PRKCE: variants seen among roughly 807,000 people sequenced by gnomAD.
The protein encoded by PRKCE is protein kinase C epsilon.
In PRKCE, 16 loss-of-function variants were observed where a neutral mutation model predicts 85.4. The observed-to-expected ratio is 0.19, with a 90% CI of 0.13 to 0.28. PRKCE has a LOEUF of 0.28. PRKCE is among the 10% of genes least tolerant of loss of function. The pLI is 1.00. For missense variants in PRKCE, 573 were observed against 975.2 expected (o/e 0.59, Z 5.49); for synonymous variants, 388 against 371.5 (o/e 1.04, Z -0.51).
chr2:45,718,025 T>C (rs999217724), intron 1 of PRKCE, among the ~76,000 whole-genome samples: 2 of 152,208 alleles, frequency 1.3e-5, no homozygotes, highest in Non-Finnish European at 2.9e-5. Flanking sequence ...ATTGTTTTGG[T>C]GAATTTACCA....
chr2:45,878,321 T>C (rs546842510), intron 2 of PRKCE, among the ~76,000 whole-genome samples: 2 of 152,254 alleles, frequency 1.3e-5, no homozygotes, highest in South Asian at 4.1e-4. Flanking sequence ...AGGTGCCTGG[T>C]AGTCCACAGC....
chr2:46,031,316 T>A (rs534075520), intron 10 of PRKCE, among the ~76,000 whole-genome samples: 1 of 152,338 alleles, frequency 6.6e-6, no homozygotes, highest in East Asian at 1.9e-4. Context: ...AACATTGGCA[T>A]GTGAATTCCT....
chr2:45,742,640 A>G (rs764813729), intron 1 of PRKCE, among the ~76,000 whole-genome samples: 1 of 152,162 alleles, frequency 6.6e-6, no homozygotes, highest in Non-Finnish European at 1.5e-5. Flanking sequence ...GGATGTGGAG[A>G]TAACATGTTG....
At chr2:46,063,143 G>A (rs536392350) in intron 10 of PRKCE, among the ~76,000 whole-genome samples, 10 of 152,306 alleles carry the variant, frequency 6.6e-5, no homozygotes, top group Non-Finnish European at 1.2e-4. Flanking sequence ...AGAGCTGAGT[G>A]GGCCAAGGTT....
chr2:45,953,600 T>A (rs1036862346), intron 2 of PRKCE, among the ~76,000 whole-genome samples: 21 of 152,224 alleles, frequency 1.4e-4, no homozygotes, highest in African/African-American at 5.1e-4. Flanking sequence ...GTCACCGGCT[T>A]GATCAGTGCG....
intron 10 of PRKCE, among the ~76,000 whole-genome samples, chr2:46,085,559 T>TGGATATCTTCTAGAG (rs1553341500): frequency 8.5e-6 from 1 of 116,998 alleles, no homozygotes. Flanking sequence ...CTTTGGCTTG[T>TGGATATCTTCTAGAG]GACTGTTTCA....
intron 6 of PRKCE, 40 bp downstream of exon 6, chr2:45,984,720 C>G (rs1466427997): frequency 3.2e-6 from 5 of 1,572,738 alleles, no homozygotes; most frequent in Non-Finnish European, 4.3e-6. Flanking sequence ...CCTGCATGTC[C>G]CCTTCCTTGC....
At chr2:46,016,984 A>G (rs895378008) in intron 10 of PRKCE, among the ~76,000 whole-genome samples, 4 of 149,638 alleles carry the variant, frequency 2.7e-5, no homozygotes, top group Non-Finnish European at 5.9e-5. Flanking sequence ...TGATGTCTCT[A>G]TGAATTCACC....
intron 1 of PRKCE, among the ~76,000 whole-genome samples, chr2:45,670,393 A>G (rs1676103237): frequency 6.6e-6 from 1 of 152,226 alleles, no homozygotes; most frequent in South Asian, 2.1e-4. Flanking sequence ...AGTTGATGAA[A>G]TCAATTGCGT....
intron 2 of PRKCE, among the ~76,000 whole-genome samples, chr2:45,909,161 A>G (rs1369511279): frequency 6.6e-6 from 1 of 152,194 alleles, no homozygotes; most frequent in Non-Finnish European, 1.5e-5. Context: ...TAATAGTACC[A>G]CTTCCTTCAA....
intron 1 of PRKCE, among the ~76,000 whole-genome samples, chr2:45,731,358 C>T (rs1300640973): frequency 6.6e-6 from 1 of 152,112 alleles, no homozygotes; most frequent in Non-Finnish European, 1.5e-5. Context: ...GTGGCTCATG[C>T]AGGTGTGATG....
intron 1 of PRKCE, among the ~76,000 whole-genome samples, chr2:45,818,908 A>G (rs1174488805): frequency 2.0e-5 from 3 of 152,168 alleles, no homozygotes; most frequent in Non-Finnish European, 4.4e-5. Flanking sequence ...GGAAGAAAGG[A>G]AGTACAGCCC....
intron 2 of PRKCE, among the ~76,000 whole-genome samples, chr2:45,933,715 A>G (rs1408529637): frequency 6.6e-6 from 1 of 151,736 alleles, no homozygotes; most frequent in Non-Finnish European, 1.5e-5. Flanking sequence ...TGACCTCGTG[A>G]TCCGCCCGCC....
At chr2:45,760,397 G>A (rs1684366281) in intron 1 of PRKCE, among the ~76,000 whole-genome samples, 1 of 152,114 alleles carries the variant, frequency 6.6e-6, no homozygotes, top group Non-Finnish European at 1.5e-5. Context: ...GATCAGAAAG[G>A]GGAAAGTCTA....
intron 6 of PRKCE, among the ~76,000 whole-genome samples, chr2:45,985,862 C>T (rs1302320880): frequency 6.6e-6 from 1 of 152,244 alleles, no homozygotes; most frequent in Non-Finnish European, 1.5e-5. Context: ...AGCTGTCCAC[C>T]TGTTGGACAT....
At position 46,006,809 on chromosome 2, in the gene PRKCE, G is replaced by A. The variant is rs371627777; in HGVS notation, c.1064-653G>A. Among the ~76,000 whole-genome samples the A allele has an allele frequency of 1.8e-4, 27 of 152,278 alleles. No homozygotes were observed. The South Asian group carries it at 3.9e-3, about 22-fold the overall frequency. ...TGAGAAATTGTACTGAGAAATTCCC[G>A]CCCCATTGGAGATAAGTTTGCAACA... On this transcript the variant is annotated intron_variant, in intron 8 of 14. Coordinates refer to ENST00000306156, the MANE Select transcript of PRKCE (RefSeq NM_005400.3).
chr2:45,959,034 C>T (rs1334899728), intron 2 of PRKCE, among the ~76,000 whole-genome samples: 2 of 151,038 alleles, frequency 1.3e-5, no homozygotes, highest in Non-Finnish European at 2.9e-5. Flanking sequence ...ACCTGAAGTT[C>T]TGGTTAATGA....
chr2:45,794,673 C>T, intron 1 of PRKCE, among the ~76,000 whole-genome samples: 1 of 152,154 alleles, frequency 6.6e-6, no homozygotes, highest in Non-Finnish European at 1.5e-5. Flanking sequence ...ACTGCTTTTT[C>T]ATTTTCCTTC....
At chr2:45,699,642 G>A (rs1678452729) in intron 1 of PRKCE, among the ~76,000 whole-genome samples, 1 of 152,174 alleles carries the variant, frequency 6.6e-6, no homozygotes, top group Non-Finnish European at 1.5e-5. Flanking sequence ...CTTAATAACT[G>A]TTTAAAGCTG....
Sources: allele counts gnomAD v4.1 joint callset (sites outside exome capture counted in the v4.1 genomes callset), GRCh38; gene constraint gnomAD v4.1.1; transcripts MANE v1.5; gene names NCBI Gene and HGNC (gene_info 2026-07-23, HGNC 2026-07-21).